NAALADL2: variants seen among roughly 807,000 people sequenced by gnomAD.
The protein encoded by NAALADL2 is inactive N-acetylated-alpha-linked acidic dipeptidase-like protein 2.
Under a neutral mutation model 87.2 loss-of-function variants are expected in NAALADL2, and 76 were observed. The observed-to-expected ratio is 0.87, with a 90% CI of 0.72 to 1.05. NAALADL2 has a LOEUF of 1.05. NAALADL2 is among the 50% of genes least tolerant of loss of function. The pLI, the probability that NAALADL2 is intolerant of heterozygous loss-of-function variation, is 0.00. For missense variants in NAALADL2, 1,089 were observed against 945.8 expected (o/e 1.15, Z -1.99); for synonymous variants, 354 against 331.0 (o/e 1.07, Z -0.75).
chr3:174,472,374 G>A (rs1716959311), intron 1 of NAALADL2, among the ~76,000 whole-genome samples: 1 of 152,158 alleles, frequency 6.6e-6, no homozygotes, highest in African/African-American at 2.4e-5. Context: ...TTATGGCACT[G>A]CCATGAGTGC....
chr3:174,493,068 T>C (rs1718302483), intron 1 of NAALADL2, among the ~76,000 whole-genome samples: 1 of 152,220 alleles, frequency 6.6e-6, no homozygotes, highest in Non-Finnish European at 1.5e-5. Context: ...TGGATCATTA[T>C]GTAGAAACAT....
chr3:175,767,213 A>T (rs902771205), intron 13 of NAALADL2, among the ~76,000 whole-genome samples: 4 of 142,810 alleles, frequency 2.8e-5, no homozygotes, highest in Non-Finnish European at 4.4e-5. Flanking sequence ...TTAACTGATT[A>T]AAAAAAATAG....
intron 9 of NAALADL2, among the ~76,000 whole-genome samples, chr3:175,542,907 G>A (rs1431649215): frequency 1.3e-5 from 2 of 152,080 alleles, no homozygotes; most frequent in African/African-American, 4.8e-5. Flanking sequence ...GAGGAAAATG[G>A]GTAATAGACT....
At chr3:175,047,938 C>T (rs1202580166) in intron 1 of NAALADL2, among the ~76,000 whole-genome samples, 2 of 152,146 alleles carry the variant, frequency 1.3e-5, no homozygotes, top group African/African-American at 4.8e-5. Flanking sequence ...GCATGGATTT[C>T]ACAGAGCATT....
intron 5 of NAALADL2, among the ~76,000 whole-genome samples, chr3:175,408,047 T>G (rs151270110): frequency 8.2e-4 from 125 of 152,264 alleles, no homozygotes; most frequent in African/African-American, 3.0e-3. Flanking sequence ...GAATACTTTA[T>G]GAGTTCATTA....
intron 1 of NAALADL2, among the ~76,000 whole-genome samples, chr3:175,034,963 A>G (rs1044479150): frequency 1.3e-5 from 2 of 152,156 alleles, no homozygotes; most frequent in Admixed American, 6.6e-5. Context: ...TTTGTTCACT[A>G]CTGTATTCTC....
chr3:175,299,273 G>A (rs1378710858), intron 4 of NAALADL2, among the ~76,000 whole-genome samples: 4 of 152,068 alleles, frequency 2.6e-5, no homozygotes. Flanking sequence ...GGTTCCATAT[G>A]AAATATAAAG....
At position 174,933,257 on chromosome 3, in the gene NAALADL2, T is replaced by C. The variant is rs544635112; in HGVS notation, c.43+73807T>C. Among the ~76,000 whole-genome samples the C allele has an allele frequency of 4.6e-5, 7 of 152,342 alleles. No individual in the cohort carries two copies. In the South Asian group the frequency reaches 1.4e-3, roughly 32 times the overall value. ...TTGAAGAGGGAATTGCTTGGAACTT[T>C]TGTGTCTTAATGTCAGCCTTTTCCT... On this transcript the variant is annotated intron_variant, in intron 1 of 13. Transcript: ENST00000454872.
Position 175,543,017 on chromosome 3 carries a change from A to G in NAALADL2, c.1654-33024A>G, listed in dbSNP as rs148681535. Among the ~76,000 whole-genome samples, 78 of 152,280 alleles carry G rather than the reference A, an allele frequency of 5.1e-4. 1 individual carries two copies. The East Asian group carries it at 0.015, about 29-fold the overall frequency. ...TAAAGCCTTATGTAATGTTGCTTCA[A>G]CCTATCATTTCACCTCTACAAACAG... On this transcript the variant is annotated intron_variant, in intron 9 of 13. Coordinates refer to ENST00000454872, the MANE Select transcript of NAALADL2 (RefSeq NM_207015.3).
At chr3:174,861,339 A>C (rs553923068) in intron 1 of NAALADL2, among the ~76,000 whole-genome samples, 1 of 150,602 alleles carries the variant, frequency 6.6e-6, no homozygotes, top group Non-Finnish European at 1.5e-5. Context: ...ATTTCTTTAC[A>C]TTATAAAGGC....
intron 2 of NAALADL2, among the ~76,000 whole-genome samples, chr3:175,228,626 A>T (rs563139722): frequency 3.9e-5 from 6 of 152,084 alleles, no homozygotes; most frequent in African/African-American, 1.2e-4. Flanking sequence ...AATACATTTT[A>T]AAAAATTCTT....
chr3:175,500,687 A>T (rs577782088), intron 9 of NAALADL2, among the ~76,000 whole-genome samples: 2 of 152,214 alleles, frequency 1.3e-5, no homozygotes, highest in South Asian at 4.2e-4. Context: ...TCTTAACAAC[A>T]TTATGATATG....
intron 1 of NAALADL2, among the ~76,000 whole-genome samples, chr3:175,026,211 G>T (rs1380786645): frequency 6.6e-6 from 1 of 151,972 alleles, no homozygotes; most frequent in Non-Finnish European, 1.5e-5. Flanking sequence ...GGTTTATAAA[G>T]CTCCAGGCAA....
At chr3:175,105,680 C>T (rs893918927) in intron 2 of NAALADL2, among the ~76,000 whole-genome samples, 1 of 133,424 alleles carries the variant, frequency 7.5e-6, no homozygotes, top group Admixed American at 7.6e-5. Context: ...CACACACACA[C>T]ACATCCCTTT....
At chr3:175,315,150 G>A (rs1357327057) in intron 4 of NAALADL2, among the ~76,000 whole-genome samples, 2 of 152,132 alleles carry the variant, frequency 1.3e-5, no homozygotes, top group South Asian at 4.1e-4. Flanking sequence ...GACCTTGGGT[G>A]TAAAAACTGA....
At chr3:174,829,167 A>G (rs1009210293) in intron 3 of NAALADL2, among the ~76,000 whole-genome samples, 1 of 151,702 alleles carries the variant, frequency 6.6e-6, no homozygotes, top group African/African-American at 2.4e-5. Context: ...CACATTGTGC[A>G]GGTTAGTTAC....
chr3:174,802,816 C>A (rs557993083), intron 3 of NAALADL2, among the ~76,000 whole-genome samples: 2 of 152,184 alleles, frequency 1.3e-5, no homozygotes, highest in East Asian at 1.9e-4. Context: ...ACAAACTCAC[C>A]CTTTTTTATG....
intron 1 of NAALADL2, among the ~76,000 whole-genome samples, chr3:174,864,864 G>A (rs1025690193): frequency 1.3e-5 from 2 of 151,984 alleles, no homozygotes; most frequent in Non-Finnish European, 2.9e-5. Context: ...TTATTGGAAA[G>A]TATTAGACTT....
chr3:174,719,749 T>C (rs540214326), intron 2 of NAALADL2, among the ~76,000 whole-genome samples: 1 of 152,314 alleles, frequency 6.6e-6, no homozygotes, highest in African/African-American at 2.4e-5. Context: ...AGAGAGTATG[T>C]TAATACATTT....
Sources: gnomAD v4.1 joint callset for allele counts (sites outside exome capture counted in the v4.1 genomes callset) on GRCh38, gnomAD v4.1.1 for gene constraint, MANE v1.5 for transcripts, NCBI Gene and HGNC (gene_info 2026-07-23, HGNC 2026-07-21) for gene names.